CRACR2A: variants seen among roughly 807,000 people sequenced by gnomAD.
CRACR2A encodes calcium release activated channel regulator 2A.
Under a neutral mutation model 90.5 loss-of-function variants are expected in CRACR2A, and 79 were observed. The observed-to-expected ratio is 0.87, with a 90% CI of 0.73 to 1.05. The LOEUF is 1.05. Among genes scored for constraint, CRACR2A ranks in the 50% least tolerant of loss-of-function variants. The pLI is 0.00. For synonymous variants in CRACR2A, 338 were observed against 356.7 expected, an observed-to-expected ratio of 0.95 and a Z score of 0.59; for missense variants, 823 against 897.2, an observed-to-expected ratio of 0.92 and a Z score of 1.06.
intron 10 of CRACR2A, among the ~76,000 whole-genome samples, chr12:3,649,606 G>A (rs1420515438): frequency 1.3e-5 from 2 of 152,206 alleles, no homozygotes; most frequent in African/African-American, 4.8e-5. Context: ...TATAACAGGA[G>A]TTGTGAGGAA....
intron 17 of CRACR2A, among the ~76,000 whole-genome samples, chr12:3,624,318 G>A (rs996528269): frequency 4.6e-5 from 7 of 152,166 alleles, no homozygotes; most frequent in Admixed American, 1.3e-4. Flanking sequence ...CCAGGCGAGG[G>A]AGTTGGTAAA....
intron 7 of CRACR2A, among the ~76,000 whole-genome samples, chr12:3,666,364 T>TGTGCGC (rs765943563): frequency 3.3e-5 from 5 of 149,498 alleles, no homozygotes; most frequent in African/African-American, 1.2e-4. Flanking sequence ...TGCGTGCGTG[T>TGTGCGC]GCGCGTGCGC....
At chr12:3,627,380 A>G (rs1309420749) in intron 17 of CRACR2A, 56 bp downstream of exon 17, 2 of 1,323,210 alleles carry the variant, frequency 1.5e-6, no homozygotes, top group Non-Finnish European at 1.1e-6. Context: ...ATGGACAGAG[A>G]AGAAAAAAGA....
intron 2 of CRACR2A, among the ~76,000 whole-genome samples, chr12:3,720,460 A>AAGCAAGCAAGCAAGCAAGCAAGC (rs1565501233): frequency 4.6e-4 from 68 of 147,734 alleles, no homozygotes; most frequent in African/African-American, 1.7e-3. Flanking sequence ...AGAAAGAAAG[A>AAGCAAGCAAGCAAGCAAGCAAGC]AAGAAAGCAA....
intron 4 of CRACR2A, among the ~76,000 whole-genome samples, chr12:3,695,045 C>A (rs1390078307): frequency 6.6e-6 from 1 of 152,186 alleles, no homozygotes; most frequent in East Asian, 1.9e-4. Flanking sequence ...AGTTTCAATT[C>A]TCCATGCCTC....
Position 3,656,395 on chromosome 12 carries a change from CCT to C in CRACR2A, c.772_773del (p.Arg258ValfsTer15), listed in dbSNP as rs775675697. 6.2e-7 allele frequency: 1 copy of C among 1,614,112 alleles called. No individual in the cohort carries two copies. The highest frequency in any genetic ancestry group is 1.7e-5 in the Admixed American group (1 of 60,024). On this transcript the variant is annotated frameshift_variant, in exon 9 of 20. Coordinates refer to ENST00000440314, the MANE Select transcript of CRACR2A (RefSeq NM_001144958.2). LOFTEE classifies it high-confidence loss of function. ...CCAGCTCTTGACTGCGGGCTTGAAA[CCT>C]CTCTGTGTCCTGCCAAGCCAGAAAG... ...KEQFLLKDTE[R>X]FQARSQELEQ...
intron 3 of CRACR2A, among the ~76,000 whole-genome samples, chr12:3,712,452 G>A (rs1180937656): frequency 6.6e-6 from 1 of 152,180 alleles, no homozygotes; most frequent in Non-Finnish European, 1.5e-5. Flanking sequence ...GAGCTTGCAT[G>A]TCAGATGGCA....
chr12:3,720,201 G>C, intron 2 of CRACR2A, among the ~76,000 whole-genome samples: 1 of 109,278 alleles, frequency 9.2e-6, no homozygotes, highest in Non-Finnish European at 1.8e-5. Flanking sequence ...GGGGGAGGGA[G>C]GGAGGGAGAG....
intron 6 of CRACR2A, among the ~76,000 whole-genome samples, chr12:3,678,241 C>G (rs1379144283): frequency 6.6e-5 from 10 of 152,176 alleles, no homozygotes; most frequent in Admixed American, 2.6e-4. Flanking sequence ...GCTTAGATCC[C>G]TGTGTCTATT....
At chr12:3,718,500 T>C (rs748995975) in intron 2 of CRACR2A, among the ~76,000 whole-genome samples, 2 of 152,146 alleles carry the variant, frequency 1.3e-5, no homozygotes, top group Non-Finnish European at 1.5e-5. Flanking sequence ...ACAAGCCACA[T>C]ATGAAGGTGA....
intron 2 of CRACR2A, chr12:3,730,426 C>T (rs1054395416): frequency 2.0e-5 from 3 of 152,160 alleles, no homozygotes; most frequent in Admixed American, 6.5e-5. Flanking sequence ...TGAGTGTTTC[C>T]AGTTCTGTTG....
chr12:3,645,639 T>G (rs1944669932), intron 11 of CRACR2A, among the ~76,000 whole-genome samples: 1 of 152,140 alleles, frequency 6.6e-6, no homozygotes, highest in Admixed American at 6.5e-5. Flanking sequence ...TGACGAATAT[T>G]TTTAGCAACA....
At chr12:3,676,663 C>T (rs1314585804) in intron 6 of CRACR2A, among the ~76,000 whole-genome samples, 1 of 152,218 alleles carries the variant, frequency 6.6e-6, no homozygotes, top group Non-Finnish European at 1.5e-5. Context: ...AGCAAATCTG[C>T]TGGCACCTTG....
intron 3 of CRACR2A, among the ~76,000 whole-genome samples, chr12:3,701,867 GA>G (rs997656655): frequency 6.6e-6 from 1 of 151,742 alleles, no homozygotes; most frequent in African/African-American, 2.4e-5. Context: ...AGATATTACA[GA>G]AAAAAAATAG....
chr12:3,696,978 C>A lies in CRACR2A; in HGVS notation c.22G>T (p.Val8Leu). The A allele has an allele frequency of 6.2e-7, 1 of 1,613,332 alleles. No individual in the cohort carries two copies. Among genetic ancestry groups the A allele is most frequent in the Non-Finnish European group, 8.5e-7 (1 of 1,179,598 alleles). MAAPDGR[V>L]VSRPQRLGQG... ...CCAAGTCTCTGGGGTCTGGAGACTA[C>A]CCTCCCGTCAGGGGCAGCCATCGCG... Residue 8 changes from valine (V) to leucine (L), a missense_variant, in exon 4 of 20, where the codon GTA (valine) becomes TTA (leucine). Val to Leu is a conservative substitution (Grantham distance 32). Transcript: ENST00000440314.
At chr12:3,689,190 C>A (rs1945613189) in intron 4 of CRACR2A, among the ~76,000 whole-genome samples, 1 of 152,136 alleles carries the variant, frequency 6.6e-6, no homozygotes, top group Admixed American at 6.6e-5. Flanking sequence ...TTATTTCTTT[C>A]TTTTGCCTGA....
intron 7 of CRACR2A, among the ~76,000 whole-genome samples, chr12:3,665,672 G>A (rs1317153592): frequency 2.6e-5 from 4 of 152,162 alleles, no homozygotes; most frequent in Non-Finnish European, 5.9e-5. Flanking sequence ...ACTGGGGGGT[G>A]GAGGATCAAG....
At chr12:3,686,596 C>A (rs929351106) in intron 4 of CRACR2A, among the ~76,000 whole-genome samples, 6 of 152,162 alleles carry the variant, frequency 3.9e-5, no homozygotes, top group Non-Finnish European at 8.8e-5. Context: ...CCTCTCCCAG[C>A]TGATGGAGTC....
At chr12:3,692,892 C>G (rs1195958823) in intron 4 of CRACR2A, among the ~76,000 whole-genome samples, 1 of 152,144 alleles carries the variant, frequency 6.6e-6, no homozygotes, top group African/African-American at 2.4e-5. Flanking sequence ...GGTGATCACT[C>G]AGGGCAGGGA....
Sources: gnomAD v4.1 joint callset for allele counts (sites outside exome capture counted in the v4.1 genomes callset) on GRCh38, gnomAD v4.1.1 for gene constraint, MANE v1.5 for transcripts, NCBI Gene and HGNC (gene_info 2026-07-23, HGNC 2026-07-21) for gene names.